Variants in ERBB4 observed in about 807,000 individuals in gnomAD.
ERBB4 encodes erb-b2 receptor tyrosine kinase 4.
In ERBB4, 42 loss-of-function variants were observed where a neutral mutation model predicts 158.0. The ratio of observed to expected loss-of-function variants is 0.27; its 90% CI spans 0.21 to 0.34. The LOEUF (loss-of-function observed/expected upper bound fraction) is 0.34. ERBB4 is among the 10% of genes least tolerant of loss of function. The pLI, the probability that ERBB4 is intolerant of heterozygous loss-of-function variation, is 1.00. For missense variants in ERBB4, 1,333 were observed against 1,624.1 expected (o/e 0.82, Z 3.08); for synonymous variants, 583 against 558.7 (o/e 1.04, Z -0.61).
chr2:211,817,918 T>C (rs1034402673), intron 3 of ERBB4, among the ~76,000 whole-genome samples: 3 of 152,186 alleles, frequency 2.0e-5, no homozygotes, highest in Admixed American at 6.5e-5. Flanking sequence ...GAATCCTCTA[T>C]ATACGTTCTT....
At chr2:211,734,659 G>A (rs1358311825) in intron 5 of ERBB4, among the ~76,000 whole-genome samples, 7 of 145,328 alleles carry the variant, frequency 4.8e-5, no homozygotes, top group East Asian at 4.0e-4. Flanking sequence ...GGTGGCTCAC[G>A]GCTGTAATCC....
chr2:211,734,633 A>AG (rs1198143059), intron 5 of ERBB4, among the ~76,000 whole-genome samples: 1 of 150,568 alleles, frequency 6.6e-6, no homozygotes, highest in Non-Finnish European at 1.5e-5. Flanking sequence ...AAAAAAAAAA[A>AG]AAAAAAGCTG....
intron 3 of ERBB4, among the ~76,000 whole-genome samples, chr2:211,859,973 T>C (rs907706133): frequency 6.6e-6 from 1 of 152,080 alleles, no homozygotes; most frequent in Non-Finnish European, 1.5e-5. Flanking sequence ...CAAAGAAAAA[T>C]TGTTAATGCA....
In ERBB4 at chr2:211,665,341, T is replaced by C; in HGVS notation, c.1853A>G (p.His618Arg). The C allele has an allele frequency of 6.2e-7, 1 of 1,614,152 alleles. No homozygotes were observed. Residue 618 changes from histidine (H) to arginine (R), a missense_variant, in exon 15 of 28, where the codon CAT becomes CGT. Physicochemically the swap from His to Arg is conservative, Grantham distance 29 (BLOSUM62 0). Around this residue, in one of 5 missense-constraint regions of ERBB4, gnomAD observed 245 missense variants for 247.5 expected, o/e 0.99. Transcript: ENST00000342788. ...TGCTTACCCTTGGGTGCAGTTTGGA[T>C]GGCATGGGTGGCACTCCCGATCTGG... The part of the protein sequence containing the change: ...ADPDRECHPC[H>R]PNCTQGCNGP...
At chr2:211,961,746 T>C (rs1435139584) in intron 2 of ERBB4, among the ~76,000 whole-genome samples, 1 of 152,072 alleles carries the variant, frequency 6.6e-6, no homozygotes, top group Non-Finnish European at 1.5e-5. Context: ...AATTTGATCA[T>C]GAATATGCAA....
At chr2:212,198,797 T>C (rs1204604068) in intron 1 of ERBB4, among the ~76,000 whole-genome samples, 1 of 143,552 alleles carries the variant, frequency 7.0e-6, no homozygotes, top group East Asian at 2.0e-4. Flanking sequence ...TTGGCCAGGC[T>C]GGTCTCAAAC....
At chr2:211,886,784 A>G (rs2078812692) in intron 3 of ERBB4, among the ~76,000 whole-genome samples, 1 of 152,184 alleles carries the variant, frequency 6.6e-6, no homozygotes, top group Admixed American at 6.5e-5. Flanking sequence ...ACACATGCAG[A>G]CTGTCCTATT....
chr2:211,534,769 G>A (rs1309024320), intron 20 of ERBB4, among the ~76,000 whole-genome samples: 1 of 152,102 alleles, frequency 6.6e-6, no homozygotes, highest in African/African-American at 2.4e-5. Flanking sequence ...CATACTGAGA[G>A]GTAATTTACA....
At chr2:212,332,927 T>A (rs921879526) in intron 1 of ERBB4, among the ~76,000 whole-genome samples, 2 of 152,078 alleles carry the variant, frequency 1.3e-5, no homozygotes, top group South Asian at 4.1e-4. Flanking sequence ...TCTTAGGAAT[T>A]CTGCAAAGAG....
intron 16 of ERBB4, among the ~76,000 whole-genome samples, chr2:211,656,824 T>C (rs1161106141): frequency 1.3e-5 from 2 of 152,206 alleles, no homozygotes; most frequent in Non-Finnish European, 2.9e-5. Context: ...TTTTATTCTA[T>C]TGCTCAGTAG....
chr2:212,323,210 A>C (rs2087651053), intron 1 of ERBB4, among the ~76,000 whole-genome samples: 1 of 150,496 alleles, frequency 6.6e-6, no homozygotes, highest in Admixed American at 6.6e-5. Context: ...TTTTGACTAA[A>C]TTATTATGAG....
chr2:211,415,550 G>GCATTT (rs1278216263), intron 25 of ERBB4, among the ~76,000 whole-genome samples: 1 of 152,146 alleles, frequency 6.6e-6, no homozygotes, highest in East Asian at 1.9e-4. Flanking sequence ...AGATTTGCTT[G>GCATTT]CATTTCTTTC....
chr2:212,337,962 A>C (rs1403487104), intron 1 of ERBB4, among the ~76,000 whole-genome samples: 1 of 152,126 alleles, frequency 6.6e-6, no homozygotes, highest in Non-Finnish European at 1.5e-5. Flanking sequence ...CAAAGCAGAC[A>C]CTTTTGAGAG....
intron 1 of ERBB4, among the ~76,000 whole-genome samples, chr2:212,141,675 C>A: frequency 6.6e-6 from 1 of 151,936 alleles, no homozygotes; most frequent in East Asian, 1.9e-4. Flanking sequence ...TTTCCATAAC[C>A]CAGTTATAAA....
intron 22 of ERBB4, among the ~76,000 whole-genome samples, chr2:211,426,420 T>C (rs1289631057): frequency 1.3e-5 from 2 of 152,188 alleles, no homozygotes; most frequent in Non-Finnish European, 2.9e-5. Context: ...CTTTAACGCC[T>C]TTTGCAATCA....
At chr2:211,508,791 G>T (rs2065816217) in intron 20 of ERBB4, among the ~76,000 whole-genome samples, 1 of 152,120 alleles carries the variant, frequency 6.6e-6, no homozygotes, top group African/African-American at 2.4e-5. Context: ...TAAAGAAAAT[G>T]TGGCACATGG....
chr2:211,425,974 G>A (rs1300324968), intron 22 of ERBB4, among the ~76,000 whole-genome samples: 4 of 152,058 alleles, frequency 2.6e-5, no homozygotes, highest in African/African-American at 4.8e-5. Context: ...ACGAGACACC[G>A]TGCGGGGCCT....
chr2:212,419,253 G>A (rs924720853), intron 1 of ERBB4, among the ~76,000 whole-genome samples: 4 of 151,820 alleles, frequency 2.6e-5, no homozygotes, highest in South Asian at 2.1e-4. Context: ...GTCAATCTAC[G>A]AATGACACTA....
intron 1 of ERBB4, among the ~76,000 whole-genome samples, chr2:212,445,558 C>A (rs147952866): frequency 0.011 from 1,719 of 152,160 alleles, 13 homozygotes; most frequent in Middle Eastern, 0.034. Flanking sequence ...GGGTGACTGA[C>A]CCGGACTATC....
Sources: allele counts gnomAD v4.1 joint callset (sites outside exome capture counted in the v4.1 genomes callset), GRCh38; gene constraint gnomAD v4.1.1; regional missense constraint gnomAD v4.1.1; transcripts MANE v1.5; gene names NCBI Gene and HGNC (gene_info 2026-07-23, HGNC 2026-07-21).